The following SLCO1B1 variants were observed in gnomAD, a reference collection of about 807,000 sequenced individuals.
The protein encoded by SLCO1B1 is OATP-2.
In SLCO1B1, 81 loss-of-function variants were observed where a neutral mutation model predicts 70.1. The ratio of observed to expected loss-of-function variants is 1.16; its 90% confidence interval spans 0.97 to 1.39. The LOEUF is 1.39. Among genes scored for constraint, SLCO1B1 ranks in the 40% most tolerant of loss-of-function variants. The probability of loss-of-function intolerance (pLI) is 0.00; values close to 1 mark genes in which losing one functional copy is unlikely to be tolerated. For synonymous variants in SLCO1B1, 283 were observed against 271.5 expected (o/e 1.04, Z -0.42); for missense variants, 895 against 799.6 (o/e 1.12, Z -1.44).
At chr12:21,150,803 T>C (rs1024765296) in intron 2 of SLCO1B1, among the ~76,000 whole-genome samples, 1 of 152,156 alleles carries the variant, frequency 6.6e-6, no homozygotes, top group Non-Finnish European at 1.5e-5. Flanking sequence ...CAAAGGATCA[T>C]GTTTACTTTT....
At chr12:21,232,947 A>T (rs1043357524) in intron 14 of SLCO1B1, among the ~76,000 whole-genome samples, 1 of 152,180 alleles carries the variant, frequency 6.6e-6, no homozygotes, top group African/African-American at 2.4e-5. Flanking sequence ...TCTGTTTTAT[A>T]AAACTATAGG....
chr12:21,206,287 A>G (rs560721105), intron 11 of SLCO1B1, among the ~76,000 whole-genome samples: 1 of 152,034 alleles, frequency 6.6e-6, no homozygotes, highest in South Asian at 2.1e-4. Context: ...TTGAGATTGT[A>G]AGACTATGAC....
chr12:21,160,073 C>T (rs1210244650), intron 2 of SLCO1B1, among the ~76,000 whole-genome samples: 2 of 141,040 alleles, frequency 1.4e-5, no homozygotes, highest in African/African-American at 5.2e-5. Context: ...AGTGCTATTC[C>T]TATTAAACTA....
At chr12:21,201,958 C>A (rs1375079503) in intron 9 of SLCO1B1, among the ~76,000 whole-genome samples, 1 of 152,080 alleles carries the variant, frequency 6.6e-6, no homozygotes, top group Non-Finnish European at 1.5e-5. Flanking sequence ...TGGAACCAAC[C>A]CAAATGACCA....
chr12:21,138,892 CAG>C (rs1414859173), intron 1 of SLCO1B1, among the ~76,000 whole-genome samples: 2 of 152,080 alleles, frequency 1.3e-5, no homozygotes, highest in East Asian at 3.8e-4. Flanking sequence ...GTTCTAAAAA[CAG>C]GGGCTTGGTT....
At position 21,141,800 on chromosome 12, in the gene SLCO1B1, T is replaced by C. The variant is rs1940313172; in HGVS notation, c.84+142T>C. On this transcript the variant is annotated intron_variant, in intron 2 of 14. Transcript: ENST00000256958. The stretch of plus-strand genomic sequence containing the variant: ...TATATTGAAATATTAACATAATGAT[T>C]CATACCTTGATTTAAACCAGTCTTT... 7.1e-6 allele frequency: 4 copies of C among 565,658 alleles called. No homozygotes were observed. In the East Asian group the frequency reaches 1.3e-4, roughly 18 times the overall value. The allele number at this position is 565,658 out of a possible 1,614,324, so 35.0% of individuals were successfully genotyped here.
At chr12:21,166,767 A>G (rs1940691807) in intron 2 of SLCO1B1, among the ~76,000 whole-genome samples, 1 of 152,188 alleles carries the variant, frequency 6.6e-6, no homozygotes, top group Non-Finnish European at 1.5e-5. Flanking sequence ...CCATACAATC[A>G]AGCATTTGTA....
At chr12:21,177,827 T>C (rs919145330) in intron 5 of SLCO1B1, among the ~76,000 whole-genome samples, 1 of 152,138 alleles carries the variant, frequency 6.6e-6, no homozygotes, top group African/African-American at 2.4e-5. Context: ...AGCACATTAC[T>C]GTCCAGTCAT....
intron 7 of SLCO1B1, among the ~76,000 whole-genome samples, chr12:21,196,454 C>G (rs541309612): frequency 6.6e-6 from 1 of 152,200 alleles, no homozygotes; most frequent in South Asian, 2.1e-4. Context: ...TTTTCTTATC[C>G]TCTGTGCTGT....
intron 2 of SLCO1B1, among the ~76,000 whole-genome samples, chr12:21,160,013 G>A (rs1190124634): frequency 7.0e-6 from 1 of 143,308 alleles, no homozygotes; most frequent in East Asian, 2.1e-4. Flanking sequence ...TAGATAGGAA[G>A]AATCAATATA....
intron 2 of SLCO1B1, among the ~76,000 whole-genome samples, chr12:21,169,450 G>C (rs1264237800): frequency 6.6e-6 from 1 of 152,040 alleles, no homozygotes; most frequent in African/African-American, 2.4e-5. Flanking sequence ...AATTTTAGAA[G>C]TTCTGTCTTT....
chr12:21,236,639 A>C (rs1018326629), intron 14 of SLCO1B1, among the ~76,000 whole-genome samples: 1 of 152,158 alleles, frequency 6.6e-6, no homozygotes, highest in South Asian at 2.1e-4. Context: ...CTTTCAGCTA[A>C]ATTTTCACAG....
At chr12:21,141,721 A>C in intron 2 of SLCO1B1, 63 bp downstream of exon 2, 1 of 985,818 alleles carries the variant, frequency 1.0e-6, no homozygotes, top group Non-Finnish European at 1.6e-6. Context: ...TGTATAGAAA[A>C]GCAAGTTGTT....
rs568237929 is a variant in SLCO1B1, at chr12:21,134,669, C to G, written c.-62+3433C>G. On this transcript the variant is annotated intron_variant, in intron 1 of 14. Coordinates refer to ENST00000256958, the MANE Select transcript of SLCO1B1 (RefSeq NM_006446.5). ...ATGGTAGTTTGTATTTCTGTGGGATCGGTGGTTATATCCTCTTTATCATTT... is the reference window on the plus strand; with the variant it reads ...ATGGTAGTTTGTATTTCTGTGGGATGGGTGGTTATATCCTCTTTATCATTT... Among the ~76,000 whole-genome samples the G allele has an allele frequency of 8.8e-4, 134 of 152,152 alleles. 3 individuals are homozygous for G. The South Asian group carries it at 0.027, about 31-fold the overall frequency.
At chr12:21,132,191 T>C (rs1940146510) in intron 1 of SLCO1B1, among the ~76,000 whole-genome samples, 1 of 152,228 alleles carries the variant, frequency 6.6e-6, no homozygotes, top group Non-Finnish European at 1.5e-5. Context: ...CTGCATAGTA[T>C]TCCATGGTGT....
intron 12 of SLCO1B1, among the ~76,000 whole-genome samples, chr12:21,219,613 T>C (rs962617456): frequency 3.3e-5 from 5 of 152,136 alleles, no homozygotes; most frequent in African/African-American, 4.8e-5. Context: ...GTGAAAACAA[T>C]AGTGAAGTCA....
chr12:21,219,844 C>G (rs1220704714), intron 12 of SLCO1B1, among the ~76,000 whole-genome samples: 4 of 148,688 alleles, frequency 2.7e-5, no homozygotes, highest in Non-Finnish European at 5.9e-5. Context: ...TGCTGCAACC[C>G]TCCGCCTCCC....
At chr12:21,157,160 AAAAC>A (rs1377014992) in intron 2 of SLCO1B1, among the ~76,000 whole-genome samples, 2 of 152,126 alleles carry the variant, frequency 1.3e-5, no homozygotes. Context: ...TTAGCAAGCA[AAAAC>A]AAACAAATAA....
At chr12:21,151,677 C>T (rs1940472435) in intron 2 of SLCO1B1, among the ~76,000 whole-genome samples, 1 of 152,102 alleles carries the variant, frequency 6.6e-6, no homozygotes, top group African/African-American at 2.4e-5. Flanking sequence ...CCTTTTAACA[C>T]CTTGCAAGGC....
Sources: gnomAD v4.1 joint callset for allele counts (sites outside exome capture counted in the v4.1 genomes callset) on GRCh38, gnomAD v4.1.1 for gene constraint, MANE v1.5 for transcripts, NCBI Gene and HGNC (gene_info 2026-07-23, HGNC 2026-07-21) for gene names.